Variants in CWC22 observed in about 807,000 individuals in gnomAD.
The protein encoded by CWC22 is CWC22 spliceosome associated protein.
A neutral mutation model predicts 117.2 loss-of-function variants in CWC22; 53 were observed. The observed-to-expected ratio is 0.45, with a 90% CI of 0.36 to 0.57. The LOEUF is 0.57. Among genes scored for constraint, CWC22 ranks in the 20% least tolerant of loss-of-function variants. The probability of loss-of-function intolerance (pLI) is 0.00; values close to 1 mark genes in which losing one functional copy is unlikely to be tolerated. For missense variants in CWC22, 980 were observed against 1,068.8 expected, an observed-to-expected ratio of 0.92 and a Z score of 1.16; for synonymous variants, 360 against 355.6, an observed-to-expected ratio of 1.01 and a Z score of -0.14.
chr2:179,988,669 C>T (rs1363292149), intron 2 of CWC22, 25 bp from the exon 3 acceptor site: 2 of 1,311,534 alleles, frequency 1.5e-6, no homozygotes, highest in Non-Finnish European at 2.1e-6. Context: ...AAGGGGAAAA[C>T]ATTTCAAAAA....
At chr2:179,947,938 G>A (rs148387289) in intron 19 of CWC22, among the ~76,000 whole-genome samples, 135 of 152,254 alleles carry the variant, frequency 8.9e-4, no homozygotes, top group African/African-American at 3.2e-3. Context: ...CCCTTATTTG[G>A]ACCAAGATAC....
chr2:179,976,783 T>C (rs1687163495), intron 6 of CWC22, among the ~76,000 whole-genome samples: 1 of 152,196 alleles, frequency 6.6e-6, no homozygotes, highest in Admixed American at 6.5e-5. Flanking sequence ...GAAAAGAGAA[T>C]GCTTGTACAC....
chr2:179,980,010 T>G (rs1687247892), intron 5 of CWC22, among the ~76,000 whole-genome samples: 1 of 152,212 alleles, frequency 6.6e-6, no homozygotes, highest in Non-Finnish European at 1.5e-5. Flanking sequence ...GTATATAAAA[T>G]TATCTTAAAG....
At chr2:179,978,363 A>T (rs1687203247) in intron 5 of CWC22, 45 bp from the exon 6 acceptor site, 4 of 1,404,310 alleles carry the variant, frequency 2.8e-6, no homozygotes, top group African/African-American at 1.5e-5. Context: ...TAATTACAAT[A>T]ATAAGAAGCT....
intron 1 of CWC22, among the ~76,000 whole-genome samples, chr2:180,003,607 T>C (rs1687898045): frequency 6.6e-6 from 1 of 152,162 alleles, no homozygotes; most frequent in Admixed American, 6.5e-5. Flanking sequence ...AAGCACTGCA[T>C]TCTACTACAG....
intron 1 of CWC22, among the ~76,000 whole-genome samples, chr2:180,000,093 AACTT>A (rs1484682917): frequency 4.6e-5 from 7 of 152,202 alleles, no homozygotes; most frequent in African/African-American, 1.2e-4. Context: ...ACTGAAGGAA[AACTT>A]ACTTGTTTTA....
intron 4 of CWC22, 77 bp downstream of exon 4, chr2:179,986,618 G>GT: frequency 1.3e-6 from 1 of 788,620 alleles, no homozygotes; most frequent in Non-Finnish European, 2.0e-6. Context: ...TATTATTTTT[G>GT]TTTTTATTAC....
chr2:179,986,449 A>G (rs551492437), intron 4 of CWC22, among the ~76,000 whole-genome samples: 8 of 152,284 alleles, frequency 5.3e-5, no homozygotes, highest in African/African-American at 1.9e-4. Flanking sequence ...GTTTCAAAAC[A>G]TGAACAAATT....
intron 2 of CWC22, among the ~76,000 whole-genome samples, chr2:179,989,523 T>C (rs538334115): frequency 6.6e-6 from 1 of 152,298 alleles, no homozygotes; most frequent in African/African-American, 2.4e-5. Flanking sequence ...GTGTCTGATA[T>C]GTATTATACT....
At chr2:179,991,943 G>A (rs1687578998) in intron 2 of CWC22, among the ~76,000 whole-genome samples, 1 of 152,182 alleles carries the variant, frequency 6.6e-6, no homozygotes, top group East Asian at 1.9e-4. Context: ...AAAGGGAGGT[G>A]GGTGAGTGTC....
Position 179,945,427 on chromosome 2 carries a change from A to G in CWC22, c.2429T>C (p.Ile810Thr), listed in dbSNP as rs753045204. Residue 810 changes from isoleucine to threonine, a missense_variant, in exon 20 of 20, where the codon ATA becomes ACA. Physicochemically the swap from Ile to Thr is moderately conservative, Grantham distance 89. Transcript: ENST00000410053. Reference sequence around the variant, plus strand: ...ATCACCATGCTTATTTTCCAAATCTATATGCATTTCTTGGTCTCTGTCATT... The same window carrying G: ...ATCACCATGCTTATTTTCCAAATCTGTATGCATTTCTTGGTCTCTGTCATT... Reference protein sequence around the residue: ...VANDRDQEMHIDLENKHGDPK... With the variant: ...VANDRDQEMHTDLENKHGDPK... The G allele has an allele frequency of 4.3e-6, 7 of 1,612,866 alleles. No individual in the cohort carries two copies. The East Asian group carries it at 1.6e-4, about 36-fold the overall frequency.
intron 13 of CWC22, among the ~76,000 whole-genome samples, chr2:179,960,362 A>G (rs189383953): frequency 6.6e-6 from 1 of 152,038 alleles, no homozygotes; most frequent in Non-Finnish European, 1.5e-5. Context: ...TAAATCTAAG[A>G]AAGAAAAAAA....
intron 3 of CWC22, among the ~76,000 whole-genome samples, chr2:179,987,582 T>C (rs796990535): frequency 8.5e-5 from 13 of 152,274 alleles, no homozygotes; most frequent in African/African-American, 2.9e-4. Context: ...TAACTTGATG[T>C]TCACAAAGCA....
intron 3 of CWC22, among the ~76,000 whole-genome samples, chr2:179,987,061 T>C (rs1458854306): frequency 6.6e-6 from 1 of 152,162 alleles, no homozygotes; most frequent in Non-Finnish European, 1.5e-5. Context: ...CTGATTCACT[T>C]TGTTCTCAGT....
intron 17 of CWC22, 33 bp downstream of exon 17, chr2:179,952,438 A>C: frequency 6.6e-7 from 1 of 1,515,250 alleles, no homozygotes; most frequent in Non-Finnish European, 8.9e-7. Flanking sequence ...CCAGAGGTCA[A>C]TAAGAATAAA....
intron 1 of CWC22, among the ~76,000 whole-genome samples, chr2:180,002,779 C>A (rs981309723): frequency 1.3e-5 from 2 of 152,184 alleles, no homozygotes; most frequent in Admixed American, 6.5e-5. Flanking sequence ...GGGAAAAGGT[C>A]ATTCAGGAAA....
chr2:179,987,089 A>G (rs1408088963), intron 3 of CWC22, among the ~76,000 whole-genome samples: 1 of 152,186 alleles, frequency 6.6e-6, no homozygotes, highest in East Asian at 1.9e-4. Flanking sequence ...ATATATCTGG[A>G]TATCATATAT....
chr2:179,960,858 C>A (rs1686732327), intron 13 of CWC22, among the ~76,000 whole-genome samples: 1 of 151,960 alleles, frequency 6.6e-6, no homozygotes, highest in Non-Finnish European at 1.5e-5. Context: ...ACAGCAGCAA[C>A]CACAGGTCAA....
chr2:180,000,208 G>A (rs1451862689), intron 1 of CWC22, among the ~76,000 whole-genome samples: 1 of 152,110 alleles, frequency 6.6e-6, no homozygotes, highest in East Asian at 1.9e-4. Flanking sequence ...ATAATTTGAT[G>A]TCAGCATAGA....
Sources: allele counts gnomAD v4.1 joint callset (sites outside exome capture counted in the v4.1 genomes callset), GRCh38; gene constraint gnomAD v4.1.1; transcripts MANE v1.5; gene names NCBI Gene and HGNC (gene_info 2026-07-23, HGNC 2026-07-21).